DNAJC21: variants seen among roughly 807,000 people sequenced by gnomAD.
DNAJC21 encodes DnaJ heat shock protein family (Hsp40) member C21.
In DNAJC21, 63 loss-of-function variants were observed where a neutral mutation model predicts 72.4. The observed-to-expected ratio is 0.87, with a 90% CI of 0.71 to 1.07. The LOEUF (loss-of-function observed/expected upper bound fraction) is 1.07. DNAJC21 is among the 50% of genes least tolerant of loss of function. DNAJC21 has a pLI of 0.00. For missense variants in DNAJC21, 634 were observed against 644.8 expected (o/e 0.98, Z 0.18); for synonymous variants, 203 against 216.7 (o/e 0.94, Z 0.56).
chr5:34,944,947 A>G lies in DNAJC21; in HGVS notation c.1064A>G (p.Asn355Ser). 9.9e-6 allele frequency: 16 copies of G among 1,614,150 alleles called. No individual in the cohort carries two copies. The highest frequency in any genetic ancestry group is 1.4e-5 in the Non-Finnish European group (16 of 1,180,038). The change falls in exon 8 of 12, where the codon AAT becomes AGT. Residue 355 changes from asparagine to serine, a missense_variant. Coordinates refer to ENST00000648817, the MANE Select transcript of DNAJC21 (RefSeq NM_001012339.3). ...LKQQLEEEEE[N>S]FSRPQIDENP... is the part of the protein sequence containing the mutation. Reference sequence around the variant, plus strand: ...CAACAGCTGGAGGAGGAAGAAGAAAATTTTTCAAGACCTCAAATTGATGAA... The same window carrying G: ...CAACAGCTGGAGGAGGAAGAAGAAAGTTTTTCAAGACCTCAAATTGATGAA...
At chr5:34,951,776 G>C in intron 10 of DNAJC21, 2 of 981,676 alleles carry the variant, frequency 2.0e-6, no homozygotes. Flanking sequence ...TGCCCGCCTT[G>C]GCCTACCAAA....
rs1764750864 is a variant in DNAJC21, at chr5:34,935,800, T to C, written c.282T>C (p.Val94=). ...DSLDLLRYFT[V]TCYSGYGDDE... ...TAGATTTGCTACGCTATTTCACCGT[T>C]ACCTGTTATTCTGGTTATGGAGATG... The change falls in exon 3 of 12, where the codon GTT becomes GTC. Residue 94 remains valine, a synonymous_variant. Transcript: ENST00000648817. The C allele has an allele frequency of 3.1e-6, 5 of 1,613,954 alleles. No individual in the cohort carries two copies.
intron 10 of DNAJC21, chr5:34,951,902 G>C (rs1765379789): frequency 1.0e-6 from 1 of 985,348 alleles, no homozygotes. Flanking sequence ...ATATAGTTCA[G>C]CTCTCTAATT....
In DNAJC21 at chr5:34,955,212, T is replaced by C. The variant is rs557550239; in HGVS notation, c.*498T>C. Reference sequence around the variant, plus strand: ...TTATTTTTAAATAACCGATTATTGATTACTGTATTTTTTTTCTCAAGAACA... The same window carrying C: ...TTATTTTTAAATAACCGATTATTGACTACTGTATTTTTTTTCTCAAGAACA... On this transcript the variant is annotated 3_prime_UTR_variant, in exon 12 of 12. Transcript: ENST00000648817. The C allele has an allele frequency of 1.3e-5, 2 of 152,406 alleles. No individual in the cohort carries two copies. The highest frequency in any genetic ancestry group is 3.8e-4 in the East Asian group (2 of 5,196). The allele number at this position is 152,406 out of a possible 1,614,324, so 9.4% of individuals were successfully genotyped here.
At chr5:34,932,769 G>A (rs1764645033) in intron 1 of DNAJC21, among the ~76,000 whole-genome samples, 1 of 152,242 alleles carries the variant, frequency 6.6e-6, no homozygotes, top group Admixed American at 6.5e-5. Flanking sequence ...AGCTTCTCCA[G>A]CTTCTCCATA....
In DNAJC21 at chr5:34,941,183, C is replaced by A; in HGVS notation, c.983C>A (p.Ala328Asp). 1 of 1,613,208 alleles carries A rather than the reference C, an allele frequency of 6.2e-7. No individual in the cohort carries two copies. Among genetic ancestry groups the A allele is most frequent in the Non-Finnish European group, 8.5e-7 (1 of 1,179,418 alleles). The change falls in exon 7 of 12, where the codon GCC becomes GAC. Residue 328 changes from alanine to aspartate, a missense_variant and splice_region_variant. Physicochemically the swap from Ala to Asp is moderately radical, Grantham distance 126 (BLOSUM62 -2). Transcript: ENST00000648817. ...ACDKSFKTEK[A>D]MKNHEKSKKH... is the part of the protein sequence containing the mutation. The stretch of plus-strand genomic sequence containing the variant: ...GACAAATCGTTCAAGACAGAAAAGG[C>A]GTAAGTTTATTAATTTAATTTAATT...
At chr5:34,951,623 G>A (rs1765370425) in intron 10 of DNAJC21, 2 of 928,904 alleles carry the variant, frequency 2.2e-6, no homozygotes, top group East Asian at 1.2e-4. Flanking sequence ...CGCCTCCTGG[G>A]TTCAAGCAAT....
intron 6 of DNAJC21, among the ~76,000 whole-genome samples, chr5:34,940,875 T>A (rs1042139650): frequency 1.3e-5 from 2 of 152,196 alleles, no homozygotes; most frequent in Admixed American, 1.3e-4. Context: ...ATGTTTTATA[T>A]CTTCTTCTAA....
chr5:34,933,985 A>G (rs1310090837), intron 2 of DNAJC21, 77 bp downstream of exon 2: 22 of 1,273,072 alleles, frequency 1.7e-5, no homozygotes, highest in East Asian at 2.4e-5. Flanking sequence ...TGTTTTTTCA[A>G]ATTTAGTACA....
At chr5:34,937,751 C>A in intron 5 of DNAJC21, 121 bp downstream of exon 5, 1 of 1,227,210 alleles carries the variant, frequency 8.1e-7, no homozygotes, top group Non-Finnish European at 1.1e-6. Context: ...GCTTTTTCTT[C>A]TTTTTTAAAT....
At chr5:34,936,396 G>A in intron 4 of DNAJC21, 130 bp downstream of exon 4, 1 of 1,107,576 alleles carries the variant, frequency 9.0e-7, no homozygotes, top group Non-Finnish European at 1.2e-6. Context: ...ATATCTCACA[G>A]CAGCCTCAAA....
intron 9 of DNAJC21, 92 bp from the exon 10 acceptor site, chr5:34,950,078 C>A: frequency 7.4e-7 from 1 of 1,353,390 alleles, no homozygotes. Flanking sequence ...TTTTTATTTC[C>A]CGAAGGTATA....
intron 9 of DNAJC21, chr5:34,949,469 G>A (rs549299496): frequency 8.4e-6 from 13 of 1,541,046 alleles, no homozygotes; most frequent in Middle Eastern, 1.7e-4. Context: ...TTTGAATGTG[G>A]GTTGTGTAAC....
rs1320417286 is a variant in DNAJC21, at chr5:34,955,268, T to A, written c.*554T>A. 2.0e-5 allele frequency: 3 copies of A among 152,238 alleles called. No homozygotes were observed. The highest frequency in any genetic ancestry group is 7.2e-5 in the African/African-American group (3 of 41,464). 9.4% of individuals were successfully genotyped at this position (152,238 alleles called of 1,614,324 possible). On this transcript the variant is annotated 3_prime_UTR_variant, in exon 12 of 12. Transcript: ENST00000648817. ...AGGTAGAAACTAATTGAACATTTGG[T>A]AGTCTTTCAAGAATAGTGTCTCTTC... is the stretch of plus-strand genomic sequence containing the variant.
rs896714841 is a variant in DNAJC21 at position 34,950,490 on chromosome 5, CAT to C, written c.1358+151_1358+152del. 12 of 1,355,504 alleles carry C rather than the reference CAT, an allele frequency of 8.9e-6. No individual in the cohort carries two copies. The African/African-American group carries it at 1.5e-4, about 17-fold the overall frequency. 84.0% of individuals were successfully genotyped at this position (1,355,504 alleles called of 1,614,324 possible). ...ATATTTATGTATAGATACACACACA[CAT>C]ATGTATACAGATGAAGAGCGTTGAG... is the stretch of plus-strand genomic sequence containing the variant. On this transcript the variant is annotated intron_variant, in intron 10 of 11. Coordinates refer to ENST00000648817, the MANE Select transcript of DNAJC21 (RefSeq NM_001012339.3).
In DNAJC21 at chr5:34,937,631, G is replaced by C. The variant is rs376653237; in HGVS notation, c.743+1G>C. 1.9e-6 allele frequency: 3 copies of C among 1,607,734 alleles called. No homozygotes were observed. The highest frequency in any genetic ancestry group is 2.6e-6 in the Non-Finnish European group (3 of 1,176,338). On this transcript the variant is annotated splice_donor_variant, in intron 5 of 11. Transcript: ENST00000648817. LOFTEE classifies it high-confidence loss of function. ...GGCAGCAGAAGCTAAAGCAGGCCAA[G>C]TGCGTAGCGTGCGTGGGGCCCTCTT... is the stretch of plus-strand genomic sequence containing the variant.
In DNAJC21 at chr5:34,954,590, T is replaced by A. The variant is rs751807357; in HGVS notation, c.1472T>A (p.Phe491Tyr). Residue 491 changes from phenylalanine to tyrosine, a missense_variant, in exon 12 of 12, where the codon TTT (phenylalanine) becomes TAT (tyrosine). Phe to Tyr is a conservative substitution (Grantham distance 22, BLOSUM62 3). Transcript: ENST00000648817. Reference sequence around the variant, plus strand: ...AGCTGTACAACCTGCCATAGTGAATTTCCATCTCGGAATAAACTTTTTGAC... The same window carrying A: ...AGCTGTACAACCTGCCATAGTGAATATCCATCTCGGAATAAACTTTTTGAC... ...LISCTTCHSE[F>Y]PSRNKLFDHL... The A allele has an allele frequency of 6.2e-6, 10 of 1,613,088 alleles. No individual in the cohort carries two copies. The highest frequency in any genetic ancestry group is 1.7e-5 in the Admixed American group (1 of 59,718).
At chr5:34,951,311 A>G in intron 10 of DNAJC21, 2 of 985,344 alleles carry the variant, frequency 2.0e-6, no homozygotes, top group South Asian at 4.7e-5. Flanking sequence ...CAAATGGGGA[A>G]ACTGAATTTC....
intron 1 of DNAJC21, among the ~76,000 whole-genome samples, chr5:34,932,240 G>A (rs1486608982): frequency 6.6e-6 from 1 of 152,088 alleles, no homozygotes; most frequent in African/African-American, 2.4e-5. Context: ...GGCCAACATG[G>A]TGAAACCCTG....
Sources: gnomAD v4.1 joint callset for allele counts (sites outside exome capture counted in the v4.1 genomes callset) on GRCh38, gnomAD v4.1.1 for gene constraint, MANE v1.5 for transcripts, NCBI Gene and HGNC (gene_info 2026-07-23, HGNC 2026-07-21) for gene names.